Variants in DAB1 observed in about 807,000 individuals in gnomAD.
The protein encoded by DAB1 is DAB adaptor protein 1, also known as disabled homolog 1.
In DAB1, 15 loss-of-function variants were observed where a neutral mutation model predicts 64.6. That is an observed-to-expected ratio of 0.23 (90% CI 0.16 to 0.36). The LOEUF (loss-of-function observed/expected upper bound fraction) is 0.36. Ranked by LOEUF, DAB1 falls within the 10% of genes least tolerant of loss-of-function variation. DAB1 has a pLI of 1.00. For synonymous variants in DAB1, 235 were observed against 251.9 expected (o/e 0.93, Z 0.64); for missense variants, 596 against 706.7 (o/e 0.84, Z 1.78).
chr1:57,143,033 T>G (rs1658764890), intron 3 of DAB1, among the ~76,000 whole-genome samples: 1 of 152,140 alleles, frequency 6.6e-6, no homozygotes, highest in Admixed American at 6.5e-5. Flanking sequence ...GGATGGAAGG[T>G]ATGGCTCTAT....
At chr1:57,395,249 C>A (rs1682712796) in intron 1 of DAB1, among the ~76,000 whole-genome samples, 1 of 152,166 alleles carries the variant, frequency 6.6e-6, no homozygotes, top group South Asian at 2.1e-4. Context: ...TAGTCTCGAA[C>A]TCCTAGCCTC....
intron 4 of DAB1, among the ~76,000 whole-genome samples, chr1:58,292,334 C>G (rs994795041): frequency 5.9e-5 from 9 of 152,038 alleles, no homozygotes; most frequent in Admixed American, 5.2e-4. Context: ...CAGAAAGAGA[C>G]AGTTATGCAC....
At chr1:57,531,027 A>G (rs1002195255) in intron 7 of DAB1, among the ~76,000 whole-genome samples, 2 of 152,162 alleles carry the variant, frequency 1.3e-5, no homozygotes, top group Non-Finnish European at 2.9e-5. Flanking sequence ...CTTTTGATTT[A>G]AGTACCAGGC....
chr1:58,286,220 A>C (rs1661678562), intron 4 of DAB1, among the ~76,000 whole-genome samples: 1 of 152,248 alleles, frequency 6.6e-6, no homozygotes, highest in Non-Finnish European at 1.5e-5. Context: ...ACCCAGAAGA[A>C]AATTTAGGCA....
intron 5 of DAB1, among the ~76,000 whole-genome samples, chr1:58,102,303 G>T (rs1242639399): frequency 6.6e-6 from 1 of 152,206 alleles, no homozygotes; most frequent in Non-Finnish European, 1.5e-5. Context: ...CTGATGGGGA[G>T]AGGAAAGGAG....
At chr1:57,503,452 A>G (rs1644312958) in intron 7 of DAB1, among the ~76,000 whole-genome samples, 1 of 152,158 alleles carries the variant, frequency 6.6e-6, no homozygotes, top group African/African-American at 2.4e-5. Flanking sequence ...AACTAGTCTT[A>G]TTGCCTCATT....
At chr1:58,029,479 A>T (rs7525781) in intron 5 of DAB1, among the ~76,000 whole-genome samples, 62,469 of 151,930 alleles carry the variant, frequency 0.41, 13,088 homozygotes, top group Non-Finnish European at 0.45. Flanking sequence ...TGTCTCAAAA[A>T]CAATCTTGAA....
At chr1:57,354,965 C>T (rs10493217) in intron 1 of DAB1, among the ~76,000 whole-genome samples, 11,764 of 152,126 alleles carry the variant, frequency 0.077, 512 homozygotes, top group Middle Eastern at 0.13. Flanking sequence ...GTCTTCTCCA[C>T]GATTAGCAGA....
intron 7 of DAB1, among the ~76,000 whole-genome samples, chr1:57,516,710 G>A (rs968196568): frequency 1.3e-5 from 2 of 152,076 alleles, no homozygotes; most frequent in South Asian, 2.1e-4. Flanking sequence ...AGCTTATAAA[G>A]CACCATCTTG....
chr1:57,242,169 A>G (rs1043068610), intron 2 of DAB1, among the ~76,000 whole-genome samples: 2 of 152,206 alleles, frequency 1.3e-5, no homozygotes, highest in Admixed American at 6.5e-5. Context: ...AGAACACAGC[A>G]TATTTTACAA....
At chr1:57,427,274 G>A (rs560601167), upstream of DAB1, among the ~76,000 whole-genome samples, 2 of 152,182 alleles carry the variant, frequency 1.3e-5, no homozygotes, top group Non-Finnish European at 2.9e-5. Flanking sequence ...CATTTATGGA[G>A]TCCATTCTGT....
chr1:57,611,232 T>C (rs1645722934), intron 7 of DAB1, among the ~76,000 whole-genome samples: 1 of 147,448 alleles, frequency 6.8e-6, no homozygotes, highest in Non-Finnish European at 1.5e-5. Context: ...ACTCCAAGAG[T>C]TAACAGGTGA....
At chr1:57,150,688 T>C (rs1391233428) in intron 2 of DAB1, among the ~76,000 whole-genome samples, 1 of 152,176 alleles carries the variant, frequency 6.6e-6, no homozygotes, top group Non-Finnish European at 1.5e-5. Flanking sequence ...AGAGGAGAGA[T>C]GGCATTTGAG....
chr1:57,887,864 A>T (rs1324679571), upstream of DAB1, among the ~76,000 whole-genome samples: 1 of 152,200 alleles, frequency 6.6e-6, no homozygotes, highest in African/African-American at 2.4e-5. Flanking sequence ...ATTGTATTTA[A>T]CAAGCTGAAG....
intron 5 of DAB1, among the ~76,000 whole-genome samples, chr1:58,090,436 T>C (rs1458923068): frequency 6.6e-6 from 1 of 152,144 alleles, no homozygotes; most frequent in Non-Finnish European, 1.5e-5. Flanking sequence ...ATGTAAACTT[T>C]TTGCATCTTA....
intron 3 of DAB1, among the ~76,000 whole-genome samples, chr1:58,398,028 C>T (rs951105493): frequency 2.6e-5 from 4 of 152,168 alleles, no homozygotes; most frequent in South Asian, 2.1e-4. Context: ...TACCATCTCT[C>T]GCCCATAACA....
At chr1:57,812,497 G>C (rs1321865381) in intron 6 of DAB1, among the ~76,000 whole-genome samples, 2 of 152,102 alleles carry the variant, frequency 1.3e-5, no homozygotes, top group Non-Finnish European at 2.9e-5. Flanking sequence ...GCGAAGGAAG[G>C]GGAGGCCGCA....
rs538363041 is a variant in DAB1 at position 57,055,216 on chromosome 1, T to A, written c.723+7668A>T. ...CAGCTGCCTTGACCAGAAAAGCAGA[T>A]GAAATGTATATTTCTAGGAGTGGGT... On this transcript the variant is annotated intron_variant, in intron 9 of 14. Transcript: ENST00000371236. Among the ~76,000 whole-genome samples the A allele has an allele frequency of 3.9e-5, 6 of 152,322 alleles. No individual in the cohort carries two copies. In the East Asian group the frequency reaches 9.6e-4, roughly 24 times the overall value.
intron 10 of DAB1, 29 bp downstream of exon 10, chr1:57,025,952 G>A: frequency 6.5e-7 from 1 of 1,530,432 alleles, no homozygotes; most frequent in Middle Eastern, 1.7e-4. Context: ...AATTCAGAGA[G>A]CAGGGTTCAG....
Sources: allele counts gnomAD v4.1 joint callset (sites outside exome capture counted in the v4.1 genomes callset), GRCh38; gene constraint gnomAD v4.1.1; transcripts MANE v1.5; gene names NCBI Gene and HGNC (gene_info 2026-07-23, HGNC 2026-07-21).